Variants in UCK1 observed in about 807,000 individuals in gnomAD.
The protein encoded by UCK1 is cytidine monophosphokinase 1.
A neutral mutation model predicts 34.0 loss-of-function variants in UCK1; 20 were observed. That is an observed-to-expected ratio of 0.59 (90% CI 0.41 to 0.86). The LOEUF (loss-of-function observed/expected upper bound fraction) is 0.86, where lower values mean the gene tolerates loss of function less well. UCK1 is among the 40% of genes least tolerant of loss of function. UCK1 has a pLI of 0.00. For missense variants in UCK1, 343 were observed against 383.6 expected, an observed-to-expected ratio of 0.89 and a Z score of 0.88; for synonymous variants, 168 against 155.9, an observed-to-expected ratio of 1.08 and a Z score of -0.58.
chr9:131,530,795 AGGGCCGCGGGGGCCCAAC>A (rs1462412253), intron 1 of UCK1, 150 bp from the exon 2 acceptor site: 4 of 1,426,980 alleles, frequency 2.8e-6, no homozygotes, highest in Non-Finnish European at 3.9e-6. Flanking sequence ...TCTCAGCGGA[AGGGCCGCGGGGGCCCAAC>A]GGGGTTAGCA....
chr9:131,528,843 A>T, intron 5 of UCK1, 101 bp downstream of exon 5: 6 of 1,413,850 alleles, frequency 4.2e-6, no homozygotes, highest in Non-Finnish European at 5.8e-6. Flanking sequence ...CTTTTTTTCA[A>T]TCAGATCACT....
rs1950429171 is a variant in UCK1 at position 131,523,910 on chromosome 9, A to C, written c.*1130T>G. 6.6e-6 allele frequency: 1 copy of C among 152,334 alleles called. No individual in the cohort carries two copies. Among genetic ancestry groups the C allele is most frequent in the African/African-American group, 2.4e-5 (1 of 41,374 alleles). The allele number at this position is 152,334 out of a possible 1,614,324, so 9.4% of individuals were successfully genotyped here. On this transcript the variant is annotated 3_prime_UTR_variant, in exon 7 of 7. Coordinates refer to ENST00000372215, the MANE Select transcript of UCK1 (RefSeq NM_031432.5). ...CCACAGGGCTCAGCCCCCTTCCCCC[A>C]CGTCACGTCTGCATCACTACTGTGG...
intron 5 of UCK1, chr9:131,526,404 G>A (rs895307932): frequency 2.2e-5 from 29 of 1,292,012 alleles, no homozygotes; most frequent in Admixed American, 9.1e-5. Context: ...AGCCGCCGCC[G>A]TGCATAATTA....
At chr9:131,525,372 C>T (rs971025989) in intron 6 of UCK1, 151 bp from the exon 7 acceptor site, 1 of 864,078 alleles carries the variant, frequency 1.2e-6, no homozygotes, top group African/African-American at 1.7e-5. Flanking sequence ...TCTCAGCAGA[C>T]AGAAACATGC....
intron 6 of UCK1, 126 bp downstream of exon 6, chr9:131,525,803 T>C (rs1456903825): frequency 9.9e-7 from 1 of 1,005,522 alleles, no homozygotes; most frequent in Non-Finnish European, 1.5e-6. Context: ...TTTAACCCTG[T>C]GCCGCAGATC....
chr9:131,525,839 G>A, intron 6 of UCK1, 90 bp downstream of exon 6: 1 of 1,365,260 alleles, frequency 7.3e-7, no homozygotes, highest in Non-Finnish European at 1.0e-6. Context: ...CGTGCGCAGG[G>A]GAGTGCTCAG....
chr9:131,529,443 C>A, intron 3 of UCK1, 45 bp downstream of exon 3: 1 of 1,611,658 alleles, frequency 6.2e-7, no homozygotes, highest in South Asian at 1.1e-5. Context: ...AGGGGACGTC[C>A]TAGCTGGCCC....
Position 131,529,588 on chromosome 9 carries a change from C to A in UCK1, c.269-4G>T, listed in dbSNP as rs1280106663. ...ATCAAATCATTATCAAAGGCATCTGCAGGGTTGGAGACAAAGGCAAGACAG... is the reference window on the plus strand; with the variant it reads ...ATCAAATCATTATCAAAGGCATCTGAAGGGTTGGAGACAAAGGCAAGACAG... On this transcript the variant is annotated splice_region_variant and splice_polypyrimidine_tract_variant and intron_variant, in intron 2 of 6. Coordinates refer to ENST00000372215, the MANE Select transcript of UCK1 (RefSeq NM_031432.5). 1.2e-6 allele frequency: 2 copies of A among 1,614,002 alleles called. No homozygotes were observed. Among genetic ancestry groups the A allele is most frequent in the Non-Finnish European group, 1.7e-6 (2 of 1,180,004 alleles).
chr9:131,530,663 G>A lies in UCK1; in HGVS notation c.109-18C>T. The A allele has an allele frequency of 6.2e-7, 1 of 1,614,226 alleles. No homozygotes were observed. Among genetic ancestry groups the A allele is most frequent in the Non-Finnish European group, 8.5e-7 (1 of 1,180,044 alleles). On this transcript the variant is annotated intron_variant, in intron 1 of 6. Transcript: ENST00000372215. Reference sequence around the variant, plus strand: ...ACGGTCGACTGGAGACACAGAAGCGGGATTCCCGCCTGGAACCGCTCGTCC... The same window carrying A: ...ACGGTCGACTGGAGACACAGAAGCGAGATTCCCGCCTGGAACCGCTCGTCC...
Position 131,529,257 on chromosome 9 carries a change from T to C in UCK1, c.379A>G (p.Thr127Ala), listed in dbSNP as rs763782570. The stretch of plus-strand genomic sequence containing the variant: ...ACCACGTCCGCAGGGTAGACCACCG[T>C]GGTCTCTGGTAACCTGAGGGGCGCA... The part of the protein sequence containing the change: ...FVTHSRLPET[T>A]VVYPADVVLF... Residue 127 changes from threonine (T) to alanine (A), a missense_variant, in exon 4 of 7, where the codon ACG becomes GCG. Thr to Ala is a moderately conservative substitution (Grantham distance 58). Coordinates refer to ENST00000372215, the MANE Select transcript of UCK1 (RefSeq NM_031432.5). The C allele has an allele frequency of 5.0e-6, 8 of 1,614,000 alleles. No homozygotes were observed. The East Asian group carries it at 1.6e-4, about 31-fold the overall frequency.
chr9:131,525,303 G>A (rs1417314094), intron 6 of UCK1, 82 bp from the exon 7 acceptor site: 1 of 1,574,624 alleles, frequency 6.4e-7, no homozygotes, highest in East Asian at 2.3e-5. Flanking sequence ...ACTCGGCCAG[G>A]AGTGAGCGCC....
chr9:131,527,322 T>C (rs967998225), intron 5 of UCK1, among the ~76,000 whole-genome samples: 13 of 152,094 alleles, frequency 8.5e-5, no homozygotes, highest in Non-Finnish European at 1.9e-4. Context: ...AGGGAGACCC[T>C]GTCTCAAAAA....
At chr9:131,526,214 T>C in intron 5 of UCK1, 1 of 660,290 alleles carries the variant, frequency 1.5e-6, no homozygotes, top group East Asian at 2.8e-5. Context: ...TCTTCCAGTG[T>C]CCCCATTCCA....
chr9:131,524,818 C>G lies in UCK1; in HGVS notation c.*222G>C. 2 of 545,592 alleles carry G rather than the reference C, an allele frequency of 3.7e-6. 1 individual carries two copies. The highest frequency in any genetic ancestry group is 5.3e-5 in the South Asian group (2 of 38,028). 33.8% of individuals were successfully genotyped at this position (545,592 alleles called of 1,614,324 possible). On this transcript the variant is annotated 3_prime_UTR_variant, in exon 7 of 7. Coordinates refer to ENST00000372215, the MANE Select transcript of UCK1 (RefSeq NM_031432.5). Reference sequence around the variant, plus strand: ...ACCTAGAGGGATCTTTAAACCGCAACGAGCCTAAGTGGCTGAAAACCTCAG... The same window carrying G: ...ACCTAGAGGGATCTTTAAACCGCAAGGAGCCTAAGTGGCTGAAAACCTCAG...
chr9:131,526,182 G>A, intron 5 of UCK1: 1 of 687,312 alleles, frequency 1.5e-6, no homozygotes, highest in Non-Finnish European at 2.4e-6. Context: ...AAGTGCAGCT[G>A]AGGCAGCCAA....
At chr9:131,530,375 G>A (rs979368920) in intron 2 of UCK1, 111 bp downstream of exon 2, 14 of 1,340,244 alleles carry the variant, frequency 1.0e-5, no homozygotes, top group East Asian at 2.3e-5. Flanking sequence ...GCGAGTTGGG[G>A]GAACAGCCCA....
chr9:131,526,721 G>A (rs1170049521), intron 5 of UCK1, among the ~76,000 whole-genome samples: 5 of 152,212 alleles, frequency 3.3e-5, no homozygotes, highest in African/African-American at 1.2e-4. Context: ...GTGGATTTGG[G>A]TCAAGAAGGC....
In UCK1 at chr9:131,531,083, C is replaced by T; in HGVS notation, c.92G>A (p.Gly31Asp). 7.0e-7 allele frequency: 1 copy of T among 1,418,598 alleles called. No homozygotes were observed. Among genetic ancestry groups the T allele is most frequent in the Non-Finnish European group, 9.2e-7 (1 of 1,088,892 alleles). 87.9% of individuals were successfully genotyped at this position (1,418,598 alleles called of 1,614,324 possible). The change falls in exon 1 of 7, where the codon GGC (glycine) becomes GAC (aspartate). Residue 31 changes from glycine (G) to aspartate (D), a missense_variant. Gly to Asp is a moderately conservative substitution (Grantham distance 94). Transcript: ENST00000372215. ...GCCCCTTACCTTCCCGCTGGCAGTG[C>T]CGCCGCTCACCCCTATCAGGAAGGG... Reference protein sequence around the residue: ...QRPFLIGVSGGTASGKSTVCE... With the variant: ...QRPFLIGVSGDTASGKSTVCE...
At chr9:131,527,803 G>A (rs1398054994) in intron 5 of UCK1, among the ~76,000 whole-genome samples, 1 of 152,152 alleles carries the variant, frequency 6.6e-6, no homozygotes, top group Non-Finnish European at 1.5e-5. Context: ...CTTGAGCTTA[G>A]GAGGTCAAGA....
Sources: allele counts gnomAD v4.1 joint callset (sites outside exome capture counted in the v4.1 genomes callset), GRCh38; gene constraint gnomAD v4.1.1; transcripts MANE v1.5; gene names NCBI Gene and HGNC (gene_info 2026-07-23, HGNC 2026-07-21).